The following CDH12 variants were observed in gnomAD, a reference collection of about 807,000 sequenced individuals.
The protein encoded by CDH12 is cadherin 12.
Under a neutral mutation model 74.1 loss-of-function variants are expected in CDH12, and 41 were observed. The observed-to-expected ratio is 0.55, with a 90% confidence interval of 0.43 to 0.72. The LOEUF (loss-of-function observed/expected upper bound fraction) is 0.72. CDH12 is among the 30% of genes least tolerant of loss of function. CDH12 has a pLI of 0.00. For missense variants in CDH12, 945 were observed against 977.2 expected, an observed-to-expected ratio of 0.97 and a Z score of 0.44; for synonymous variants, 399 against 355.0, an observed-to-expected ratio of 1.12 and a Z score of -1.39.
At chr5:22,473,149 G>T (rs1291433251) in intron 2 of CDH12, among the ~76,000 whole-genome samples, 2 of 151,944 alleles carry the variant, frequency 1.3e-5, no homozygotes, top group African/African-American at 4.8e-5. Context: ...TACAAATATT[G>T]TTCCTCAATT....
At chr5:21,941,652 C>T (rs1755333583) in intron 6 of CDH12, among the ~76,000 whole-genome samples, 1 of 151,854 alleles carries the variant, frequency 6.6e-6, no homozygotes, top group South Asian at 2.1e-4. Context: ...ATATATTTTG[C>T]AAACTGTTTG....
chr5:21,933,972 A>G (rs1754960673), intron 6 of CDH12, among the ~76,000 whole-genome samples: 1 of 152,258 alleles, frequency 6.6e-6, no homozygotes, highest in Admixed American at 6.5e-5. Flanking sequence ...TTCTGGCCAC[A>G]GCCATAAGAT....
At chr5:22,814,604 G>T (rs747322704) in intron 1 of CDH12, among the ~76,000 whole-genome samples, 3 of 152,086 alleles carry the variant, frequency 2.0e-5, no homozygotes, top group Non-Finnish European at 4.4e-5. Flanking sequence ...AACTTAGGGT[G>T]AATACAATCT....
At chr5:22,364,624 A>C (rs140595907) in intron 3 of CDH12, among the ~76,000 whole-genome samples, 196 of 152,296 alleles carry the variant, frequency 1.3e-3, no homozygotes, top group Non-Finnish European at 2.3e-3. Context: ...GGTGTGGAAA[A>C]AAATTTGACT....
intron 5 of CDH12, among the ~76,000 whole-genome samples, chr5:22,074,469 T>C (rs1307550404): frequency 1.3e-5 from 2 of 152,160 alleles, no homozygotes; most frequent in East Asian, 3.9e-4. Context: ...AAAAGGGATC[T>C]AGTTAAACTA....
rs528223808 is a variant in CDH12 at position 22,742,206 on chromosome 5, GA to G, written c.-523+110851del. Among the ~76,000 whole-genome samples the G allele has an allele frequency of 3.5e-4, 53 of 151,082 alleles. 1 individual carries two copies. Among genetic ancestry groups the G allele is most frequent in the African/African-American group, 1.3e-3 (52 of 41,208 alleles). ...CAAAAAAAAAGAAGAAAGAAAGAAA[GA>G]AAGGAAGAGAGAGAGAAAGAAAGAG... On this transcript the variant is annotated intron_variant, in intron 1 of 14. Coordinates refer to ENST00000382254, the MANE Select transcript of CDH12 (RefSeq NM_004061.5).
chr5:22,132,589 G>A (rs564501501), intron 4 of CDH12, among the ~76,000 whole-genome samples: 1 of 152,048 alleles, frequency 6.6e-6, no homozygotes, highest in South Asian at 2.1e-4. Context: ...GAAACGGGGA[G>A]TAGTTGTTTA....
At chr5:22,397,069 G>T (rs1466929313) in intron 3 of CDH12, among the ~76,000 whole-genome samples, 6 of 151,962 alleles carry the variant, frequency 3.9e-5, no homozygotes, top group Non-Finnish European at 1.5e-5. Context: ...TCTTTAGGTG[G>T]GAATTTGGCC....
chr5:22,677,440 T>C (rs113914266), intron 1 of CDH12, among the ~76,000 whole-genome samples: 74 of 152,180 alleles, frequency 4.9e-4, no homozygotes, highest in African/African-American at 1.6e-3. Flanking sequence ...TGTCCTTAAA[T>C]GGTCAAAGGA....
At chr5:22,119,007 A>G (rs905867706) in intron 4 of CDH12, among the ~76,000 whole-genome samples, 6 of 152,146 alleles carry the variant, frequency 3.9e-5, no homozygotes, top group Non-Finnish European at 7.4e-5. Context: ...AAGATAAACA[A>G]TTTGAGAACA....
chr5:22,292,115 A>C (rs1737413460), intron 3 of CDH12, among the ~76,000 whole-genome samples: 1 of 152,120 alleles, frequency 6.6e-6, no homozygotes, highest in African/African-American at 2.4e-5. Flanking sequence ...ACAATCTCTC[A>C]ATAAATGATT....
At chr5:22,179,520 A>G (rs1251201927) in intron 4 of CDH12, among the ~76,000 whole-genome samples, 1 of 152,226 alleles carries the variant, frequency 6.6e-6, no homozygotes, top group East Asian at 1.9e-4. Flanking sequence ...TTTAATACAA[A>G]TCTAAAATTC....
At chr5:22,355,354 T>C (rs1348694294) in intron 3 of CDH12, among the ~76,000 whole-genome samples, 1 of 151,990 alleles carries the variant, frequency 6.6e-6, no homozygotes, top group Non-Finnish European at 1.5e-5. Context: ...ACCAAAATTG[T>C]CAACTAGGAA....
At chr5:22,240,773 A>G (rs1393594174) in intron 3 of CDH12, among the ~76,000 whole-genome samples, 2 of 152,182 alleles carry the variant, frequency 1.3e-5, no homozygotes, top group African/African-American at 4.8e-5. Flanking sequence ...ACCTCAGGTG[A>G]TCCGCCCTCC....
rs538466836 is a variant in CDH12 at position 22,324,428 on chromosome 5, T to C, written c.-333+80829A>G. Among the ~76,000 whole-genome samples the C allele has an allele frequency of 8.5e-5, 13 of 152,146 alleles. No homozygotes were observed. In the East Asian group the frequency reaches 2.5e-3, roughly 29 times the overall value. On this transcript the variant is annotated intron_variant, in intron 3 of 14. Coordinates refer to ENST00000382254, the MANE Select transcript of CDH12 (RefSeq NM_004061.5). ...TACTACTTTATTTAGGAGGTGACCG[T>C]GTTAACCCTCTTAAGTTAGATTGCA...
intron 3 of CDH12, among the ~76,000 whole-genome samples, chr5:22,269,796 G>T (rs1736300248): frequency 6.6e-6 from 1 of 152,084 alleles, no homozygotes; most frequent in Non-Finnish European, 1.5e-5. Context: ...AAGTAAAAAG[G>T]TACCGAATAT....
chr5:22,581,292 C>A (rs1192667315), intron 1 of CDH12, among the ~76,000 whole-genome samples: 1 of 152,224 alleles, frequency 6.6e-6, no homozygotes, highest in East Asian at 1.9e-4. Context: ...CCCTGAGTCC[C>A]AACTGCTCCA....
At chr5:22,610,737 C>T (rs1737353746) in intron 1 of CDH12, among the ~76,000 whole-genome samples, 1 of 151,848 alleles carries the variant, frequency 6.6e-6, no homozygotes, top group South Asian at 2.1e-4. Flanking sequence ...TTTTGCTATG[C>T]TAATATATCA....
intron 1 of CDH12, among the ~76,000 whole-genome samples, chr5:22,708,882 C>G (rs947969804): frequency 6.6e-6 from 1 of 152,052 alleles, no homozygotes; most frequent in Non-Finnish European, 1.5e-5. Flanking sequence ...CATCCATGAG[C>G]GGGAAGTTAG....
Sources: allele counts gnomAD v4.1 joint callset (sites outside exome capture counted in the v4.1 genomes callset), GRCh38; gene constraint gnomAD v4.1.1; transcripts MANE v1.5; gene names NCBI Gene and HGNC (gene_info 2026-07-23, HGNC 2026-07-21).